Variants in MYO9A observed in about 807,000 individuals in gnomAD.
MYO9A encodes the protein myosin IXA.
MYO9A carries 103 observed loss-of-function variants against 293.3 expected under a neutral mutation model. The ratio of observed to expected loss-of-function variants is 0.35; its 90% CI spans 0.30 to 0.41. The LOEUF (loss-of-function observed/expected upper bound fraction) is 0.41, where lower values mean the gene tolerates loss of function less well. Among genes scored for constraint, MYO9A ranks in the 10% least tolerant of loss-of-function variants. The pLI, the probability that MYO9A is intolerant of heterozygous loss-of-function variation, is 1.00. For synonymous variants in MYO9A, 1,001 were observed against 1,035.7 expected (o/e 0.97, Z 0.64); for missense variants, 2,685 against 3,033.0 (o/e 0.89, Z 2.69).
intron 1 of MYO9A, among the ~76,000 whole-genome samples, chr15:72,090,375 G>A (rs192037630): frequency 3.3e-5 from 5 of 152,074 alleles, no homozygotes; most frequent in East Asian, 3.9e-4. Flanking sequence ...ATATGATACA[G>A]TTAATATTTA....
chr15:71,949,979 A>C (rs2059015353), intron 15 of MYO9A, among the ~76,000 whole-genome samples: 1 of 152,082 alleles, frequency 6.6e-6, no homozygotes, highest in African/African-American at 2.4e-5. Flanking sequence ...CTTTCTGCCT[A>C]CTTTTGGTCT....
intron 32 of MYO9A, among the ~76,000 whole-genome samples, chr15:71,869,412 G>C (rs1051442722): frequency 2.0e-5 from 3 of 152,034 alleles, no homozygotes; most frequent in African/African-American, 7.2e-5. Flanking sequence ...GGAAAAACAT[G>C]CTCTAAAAAA....
intron 19 of MYO9A, among the ~76,000 whole-genome samples, chr15:71,906,377 A>C (rs1400322002): frequency 6.6e-6 from 1 of 152,194 alleles, no homozygotes; most frequent in Non-Finnish European, 1.5e-5. Flanking sequence ...CTAATTGCCT[A>C]CTTACCCTGT....
At chr15:72,004,287 G>A (rs1443634684) in intron 8 of MYO9A, among the ~76,000 whole-genome samples, 1 of 152,260 alleles carries the variant, frequency 6.6e-6, no homozygotes, top group East Asian at 1.9e-4. Context: ...GCCGGGCACA[G>A]TGGCTCACGC....
intron 16 of MYO9A, among the ~76,000 whole-genome samples, chr15:71,936,516 T>C (rs1006637585): frequency 6.6e-6 from 1 of 152,128 alleles, no homozygotes; most frequent in African/African-American, 2.4e-5. Context: ...ATGACACATA[T>C]TTGAGACGAC....
chr15:72,103,828 A>G (rs2080476692), intron 1 of MYO9A, among the ~76,000 whole-genome samples: 1 of 152,230 alleles, frequency 6.6e-6, no homozygotes, highest in Admixed American at 6.5e-5. Flanking sequence ...AGCAAAAAAC[A>G]GTCACAAAGG....
intron 39 of MYO9A, among the ~76,000 whole-genome samples, chr15:71,844,398 A>T (rs1368801409): frequency 2.0e-5 from 3 of 152,156 alleles, no homozygotes; most frequent in Non-Finnish European, 2.9e-5. Context: ...TCTGAAACAG[A>T]CAGTCTTAAT....
At chr15:71,878,769 C>CG (rs2056778684) in intron 30 of MYO9A, among the ~76,000 whole-genome samples, 1 of 90,860 alleles carries the variant, frequency 1.1e-5, no homozygotes. Flanking sequence ...TTTTTTTAGA[C>CG]GGAGTCTTGC....
intron 1 of MYO9A, among the ~76,000 whole-genome samples, chr15:72,114,803 TG>T (rs1373034935): frequency 6.6e-6 from 1 of 152,226 alleles, no homozygotes; most frequent in Non-Finnish European, 1.5e-5. Context: ...GTTTTTAAAA[TG>T]TCTGAAAAGT....
At chr15:71,956,324 AAAAAAAATAT>A (rs1370529615) in intron 14 of MYO9A, among the ~76,000 whole-genome samples, 24 of 11,200 alleles carry the variant, frequency 2.1e-3, no homozygotes, top group Admixed American at 4.9e-3. Flanking sequence ...AAAAAAAAAA[AAAAAAAATAT>A]ATATATATAT....
intron 39 of MYO9A, among the ~76,000 whole-genome samples, chr15:71,844,140 C>G (rs879859785): frequency 1.3e-5 from 2 of 152,192 alleles, no homozygotes; most frequent in South Asian, 2.1e-4. Context: ...TTAAACTCAT[C>G]CCTTAAGAGC....
intron 1 of MYO9A, among the ~76,000 whole-genome samples, chr15:72,091,189 ATC>A (rs1307085287): frequency 1.3e-5 from 2 of 149,988 alleles, no homozygotes; most frequent in Non-Finnish European, 3.0e-5. Context: ...ACAGAGTAAG[ATC>A]TGTCTCAAAA....
intron 8 of MYO9A, among the ~76,000 whole-genome samples, chr15:72,001,872 A>G (rs2076876184): frequency 6.6e-6 from 1 of 152,212 alleles, no homozygotes; most frequent in African/African-American, 2.4e-5. Context: ...TACATTAAAG[A>G]ACAAAAATAT....
At chr15:72,007,295 A>G (rs1303803875) in intron 8 of MYO9A, among the ~76,000 whole-genome samples, 2 of 152,130 alleles carry the variant, frequency 1.3e-5, no homozygotes, top group East Asian at 3.8e-4. Flanking sequence ...ATGATAAATC[A>G]TCACTCCAGG....
At chr15:71,911,972 CT>C (rs966754833) in intron 19 of MYO9A, among the ~76,000 whole-genome samples, 1 of 150,118 alleles carries the variant, frequency 6.7e-6, no homozygotes, top group African/African-American at 2.5e-5. Context: ...TTTCTTTTTC[CT>C]TTTTTTTATT....
chr15:71,909,283 T>C (rs1035776598), intron 19 of MYO9A, among the ~76,000 whole-genome samples: 1 of 152,234 alleles, frequency 6.6e-6, no homozygotes, highest in African/African-American at 2.4e-5. Flanking sequence ...AAGTTGTTAC[T>C]GCTGGATCAT....
At chr15:72,012,874 G>C (rs1261520086) in intron 6 of MYO9A, among the ~76,000 whole-genome samples, 2 of 152,144 alleles carry the variant, frequency 1.3e-5, no homozygotes, top group Non-Finnish European at 2.9e-5. Context: ...CACTGAAAGA[G>C]GCACTAAAAT....
intron 14 of MYO9A, among the ~76,000 whole-genome samples, chr15:71,953,038 G>C (rs1401051363): frequency 6.6e-6 from 1 of 151,890 alleles, no homozygotes; most frequent in Non-Finnish European, 1.5e-5. Flanking sequence ...CAGAAAACAG[G>C]CTTTTAAAAA....
intron 19 of MYO9A, among the ~76,000 whole-genome samples, chr15:71,909,096 T>A (rs1051426198): frequency 6.6e-6 from 1 of 152,214 alleles, no homozygotes; most frequent in African/African-American, 2.4e-5. Flanking sequence ...AGCTCATTTC[T>A]TTTTAGTGTT....
Sources: gnomAD v4.1 joint callset for allele counts (sites outside exome capture counted in the v4.1 genomes callset) on GRCh38, gnomAD v4.1.1 for gene constraint, MANE v1.5 for transcripts, NCBI Gene and HGNC (gene_info 2026-07-23, HGNC 2026-07-21) for gene names.